The following DDX50 variants were observed in gnomAD, a reference collection of about 807,000 sequenced individuals.
DDX50 encodes ATP-dependent RNA helicase DDX50.
Under a neutral mutation model 94.8 loss-of-function variants are expected in DDX50, and 56 were observed. The observed-to-expected ratio is 0.59, with a 90% CI of 0.48 to 0.74. The LOEUF (loss-of-function observed/expected upper bound fraction) is 0.74, where lower values mean the gene tolerates loss of function less well. Ranked by LOEUF, DDX50 falls within the 30% of genes least tolerant of loss-of-function variation. The probability of loss-of-function intolerance (pLI) is 0.00; values close to 1 mark genes in which losing one functional copy is unlikely to be tolerated. For synonymous variants in DDX50, 264 were observed against 295.4 expected (o/e 0.89, Z 1.09); for missense variants, 713 against 881.2 (o/e 0.81, Z 2.42).
At position 68,910,356 on chromosome 10, in the gene DDX50, C is replaced by T. The variant is rs1284349300; in HGVS notation, c.434C>T (p.Ser145Phe). 4 of 1,606,006 alleles carry T rather than the reference C, an allele frequency of 2.5e-6. No individual in the cohort carries two copies. The highest frequency in any genetic ancestry group is 3.4e-6 in the Non-Finnish European group (4 of 1,178,082). Residue 145 changes from serine to phenylalanine, a missense_variant, in exon 3 of 15, where the codon TCT (serine) becomes TTT (phenylalanine). Physicochemically the swap from Ser to Phe is radical, Grantham distance 155. This residue lies in a region of DDX50 where 285 missense variants were observed against 278.9 expected (regional missense o/e 1.02). Coordinates refer to ENST00000373585, the MANE Select transcript of DDX50 (RefSeq NM_024045.2). The part of the protein sequence containing the change: ...KEGAFSNFPI[S>F]EETIKLLKGR... ...GGAGCCTTCTCCAATTTTCCTATTT[C>T]TGAAGAGACTATAAAGCTTCTGAAA...
chr10:68,903,447 C>T (rs941913771), intron 1 of DDX50, among the ~76,000 whole-genome samples: 10 of 151,514 alleles, frequency 6.6e-5, no homozygotes, highest in Middle Eastern at 3.4e-3. Flanking sequence ...GCGGGTGGAT[C>T]GTGAGGTCAG....
chr10:68,941,335 TA>T, intron 13 of DDX50, 141 bp downstream of exon 13: 1 of 1,163,284 alleles, frequency 8.6e-7, no homozygotes, highest in Non-Finnish European at 1.2e-6. Flanking sequence ...TTTCCAGTTA[TA>T]AATTTGGGGC....
At chr10:68,918,428 C>CTTTT (rs34777951) in intron 7 of DDX50, among the ~76,000 whole-genome samples, 34 of 57,082 alleles carry the variant, frequency 6.0e-4, no homozygotes, top group South Asian at 1.3e-3. Context: ...CCATTCCCTC[C>CTTTT]TTTTTTTTTT....
rs2132055256 is a variant in DDX50 at position 68,934,649 on chromosome 10, A to T, written c.1402-150A>T. The T allele has an allele frequency of 9.2e-7, 1 of 1,086,546 alleles. No homozygotes were observed. Among genetic ancestry groups the T allele is most frequent in the Non-Finnish European group, 1.3e-6 (1 of 782,486 alleles). 67.3% of individuals were successfully genotyped at this position (1,086,546 alleles called of 1,614,324 possible). On this transcript the variant is annotated intron_variant, in intron 9 of 14. Coordinates refer to ENST00000373585, the MANE Select transcript of DDX50 (RefSeq NM_024045.2). The surrounding 1 kb of genome is among the most constrained non-coding windows in gnomAD (Gnocchi z 4.0). ...AAAGGTTTTAAATCATATTGCCTTT[A>T]CCCCAAAATCCACACATATAAATTG...
At chr10:68,941,250 A>G in intron 13 of DDX50, 56 bp downstream of exon 13, 1 of 1,585,790 alleles carries the variant, frequency 6.3e-7, no homozygotes, top group South Asian at 1.2e-5. Flanking sequence ...AAATGTTTAC[A>G]AACACTAGCA....
At chr10:68,930,410 G>T (rs116906960) in intron 8 of DDX50, among the ~76,000 whole-genome samples, 3,951 of 152,250 alleles carry the variant, frequency 0.026, 73 homozygotes, top group Non-Finnish European at 0.032. Flanking sequence ...GAGCCACCGT[G>T]CTCAGCCTTC....
intron 14 of DDX50, among the ~76,000 whole-genome samples, chr10:68,943,981 T>A (rs1842608188): frequency 6.6e-6 from 1 of 152,232 alleles, no homozygotes; most frequent in Non-Finnish European, 1.5e-5. Flanking sequence ...TATCAGTTCA[T>A]AGCCAGTTTT....
At chr10:68,931,409 A>ATG (rs1419741368) in intron 8 of DDX50, among the ~76,000 whole-genome samples, 5 of 72,838 alleles carry the variant, frequency 6.9e-5, no homozygotes, top group African/African-American at 1.9e-4. Context: ...ATATATATAT[A>ATG]TGTATATATA....
chr10:68,946,637 G>C lies in DDX50; in HGVS notation c.*7G>C, dbSNP rs1842681830. The C allele has an allele frequency of 6.2e-7, 1 of 1,609,840 alleles. No individual in the cohort carries two copies. The highest frequency in any genetic ancestry group is 8.5e-7 in the Non-Finnish European group (1 of 1,177,486). On this transcript the variant is annotated 3_prime_UTR_variant, in exon 15 of 15. Transcript: ENST00000373585. ...CAAACGGAGTTTTGACTGAGTATTT[G>C]ATAGTTAATCTACCAGTGTGAGCTT... is the stretch of plus-strand genomic sequence containing the variant.
rs4746804 is a variant in DDX50, at chr10:68,939,521, G to A, written c.1756-1539G>A. Among the ~76,000 whole-genome samples, 1,151 of 152,106 alleles carry A rather than the reference G, an allele frequency of 7.6e-3. 8 individuals carry two copies. The highest frequency in any genetic ancestry group is 0.01 in the Admixed American group (159 of 15,268). On this transcript the variant is annotated intron_variant, in intron 12 of 14. Transcript: ENST00000373585. The stretch of plus-strand genomic sequence containing the variant: ...CTTTTCCTCTTGCTATCTTCTTGAC[G>A]TCATGTCTTATCACTCTCCCCTTTC...
rs755114710 is a variant in DDX50, at chr10:68,946,634, T to C, written c.*4T>C. 1 of 1,610,406 alleles carries C rather than the reference T, an allele frequency of 6.2e-7. No individual in the cohort carries two copies. The highest frequency in any genetic ancestry group is 1.1e-5 in the South Asian group (1 of 91,018). ...CCACAAACGGAGTTTTGACTGAGTA[T>C]TTGATAGTTAATCTACCAGTGTGAG... On this transcript the variant is annotated 3_prime_UTR_variant, in exon 15 of 15. Coordinates refer to ENST00000373585, the MANE Select transcript of DDX50 (RefSeq NM_024045.2).
intron 4 of DDX50, among the ~76,000 whole-genome samples, chr10:68,912,341 A>G (rs529269382): frequency 1.2e-4 from 19 of 152,214 alleles, no homozygotes; most frequent in South Asian, 2.1e-4. Context: ...CAGTCTCTCC[A>G]GTAGGTAGGA....
At chr10:68,913,641 T>G (rs1841701463) in intron 6 of DDX50, 65 bp downstream of exon 6, 5 of 1,478,930 alleles carry the variant, frequency 3.4e-6, no homozygotes, top group Non-Finnish European at 4.6e-6. Flanking sequence ...AAACGAGTTT[T>G]TATTTAATAA....
At chr10:68,931,119 T>G (rs1842251333) in intron 8 of DDX50, among the ~76,000 whole-genome samples, 1 of 152,076 alleles carries the variant, frequency 6.6e-6, no homozygotes. Flanking sequence ...TTACATTCAT[T>G]GTCTAAATTT....
chr10:68,922,190 CT>C (rs1246407086), intron 8 of DDX50, among the ~76,000 whole-genome samples: 1 of 151,902 alleles, frequency 6.6e-6, no homozygotes, highest in African/African-American at 2.4e-5. Context: ...CAAAATTTCT[CT>C]CTTTTTTTTT....
At chr10:68,919,552 G>A (rs1403159263) in intron 7 of DDX50, among the ~76,000 whole-genome samples, 1 of 152,024 alleles carries the variant, frequency 6.6e-6, no homozygotes, top group Non-Finnish European at 1.5e-5. Flanking sequence ...GATGTTATTC[G>A]GCATTTTTTT....
In DDX50 at chr10:68,935,881, A is replaced by G. The variant is rs552023294; in HGVS notation, c.1522-125A>G. On this transcript the variant is annotated intron_variant, in intron 10 of 14. Transcript: ENST00000373585. ...ACAAAAAAGATAAAACTGATCTTTTAATCTGCTAGGGCTATGAAATCTTTA... is the reference window on the plus strand; with the variant it reads ...ACAAAAAAGATAAAACTGATCTTTTGATCTGCTAGGGCTATGAAATCTTTA... 6 of 664,796 alleles carry G rather than the reference A, an allele frequency of 9.0e-6. No homozygotes were observed. The Admixed American group carries it at 1.3e-4, about 14-fold the overall frequency. 41.2% of individuals were successfully genotyped at this position (664,796 alleles called of 1,614,324 possible). A position where few individuals can be genotyped will look rare whatever the true frequency, so the allele number is the denominator to read the frequency against.
chr10:68,911,652 C>G (rs1235695374), intron 4 of DDX50: 1 of 152,736 alleles, frequency 6.5e-6, no homozygotes, highest in Non-Finnish European at 1.5e-5. Context: ...CTTTTTTTCC[C>G]TTTAGTATGG....
At chr10:68,936,515 AATATATATATAT>A (rs869117307) in intron 11 of DDX50, among the ~76,000 whole-genome samples, 2,389 of 53,076 alleles carry the variant, frequency 0.045, 165 homozygotes, top group East Asian at 0.089. Flanking sequence ...AAAAAAAAAA[AATATATATATAT>A]ATATATATAT....
Sources: gnomAD v4.1 joint callset for allele counts (sites outside exome capture counted in the v4.1 genomes callset) on GRCh38, gnomAD v4.1.1 for gene constraint, gnomAD v4.1.1 regional missense constraint, Gnocchi (gnomAD v3.1) non-coding constraint, MANE v1.5 for transcripts, NCBI Gene and HGNC (gene_info 2026-07-23, HGNC 2026-07-21) for gene names.